The following ICE1 variants were observed in gnomAD, a reference collection of about 807,000 sequenced individuals.
ICE1 encodes little elongation complex subunit 1.
A neutral mutation model predicts 192.7 loss-of-function variants in ICE1; 64 were observed. The ratio of observed to expected loss-of-function variants is 0.33; its 90% confidence interval spans 0.27 to 0.41. ICE1 has a LOEUF of 0.41. Ranked by LOEUF, ICE1 falls within the 10% of genes least tolerant of loss-of-function variation. ICE1 has a pLI of 1.00. For missense variants in ICE1, 2,708 were observed against 2,696.0 expected, an observed-to-expected ratio of 1.00 and a Z score of -0.10; for synonymous variants, 1,010 against 984.5, an observed-to-expected ratio of 1.03 and a Z score of -0.49.
chr5:5,464,351 C>A lies in ICE1; in HGVS notation c.5017C>A (p.Arg1673Ser). 6.2e-7 allele frequency: 1 copy of A among 1,613,772 alleles called. No individual in the cohort carries two copies. The highest frequency in any genetic ancestry group is 8.5e-7 in the Non-Finnish European group (1 of 1,179,834). The change falls in exon 13 of 19, where the codon CGT (arginine) becomes AGT (serine). Residue 1673 changes from arginine to serine, a missense_variant. This residue lies in a region of ICE1 where 2,366 missense variants were observed against 2,276.6 expected (regional missense o/e 1.04). Transcript: ENST00000296564. The surrounding 1 kb of genome is among the most constrained non-coding windows in gnomAD (Gnocchi z 4.0). Reference protein sequence around the residue: ...ASPVGQVSPFRETPVPPAMSP... With the variant: ...ASPVGQVSPFSETPVPPAMSP... ...TCCTGTTGGCCAGGTTTCTCCCTTCCGTGAAACCCCAGTGCCTCCTGCCAT... is the reference window on the plus strand; with the variant it reads ...TCCTGTTGGCCAGGTTTCTCCCTTCAGTGAAACCCCAGTGCCTCCTGCCAT...
chr5:5,485,709 AATTG>A (rs1264966783), intron 17 of ICE1, among the ~76,000 whole-genome samples: 4 of 152,256 alleles, frequency 2.6e-5, no homozygotes, highest in Admixed American at 2.6e-4. Context: ...CTTGGAAAAT[AATTG>A]ATTGACATAG....
At chr5:5,471,411 T>G (rs991630423) in intron 15 of ICE1, among the ~76,000 whole-genome samples, 1 of 152,170 alleles carries the variant, frequency 6.6e-6, no homozygotes, top group Non-Finnish European at 1.5e-5. Flanking sequence ...ACCAAGTAAC[T>G]ATAATCTATT....
chr5:5,468,796 A>G (rs1157511264), intron 14 of ICE1, 32 bp from the exon 15 acceptor site: 7 of 1,341,910 alleles, frequency 5.2e-6, no homozygotes, highest in Non-Finnish European at 7.1e-6. Flanking sequence ...ATCATACATC[A>G]AAGAGTTATT....
At chr5:5,478,946 C>CTT (rs769905011) in intron 17 of ICE1, among the ~76,000 whole-genome samples, 8 of 151,774 alleles carry the variant, frequency 5.3e-5, no homozygotes, top group Non-Finnish European at 8.8e-5. Flanking sequence ...CAAAAATTAA[C>CTT]TTAAGATGGA....
At chr5:5,449,393 A>C (rs963486434) in intron 10 of ICE1, among the ~76,000 whole-genome samples, 1 of 152,074 alleles carries the variant, frequency 6.6e-6, no homozygotes, top group African/African-American at 2.4e-5. Flanking sequence ...TTCACTTTAC[A>C]AAAAAAGGCC....
At position 5,447,421 on chromosome 5, in the gene ICE1, T is replaced by G; in HGVS notation, c.425-6T>G. On this transcript the variant is annotated splice_region_variant and splice_polypyrimidine_tract_variant and intron_variant, in intron 7 of 18. Coordinates refer to ENST00000296564, the MANE Select transcript of ICE1 (RefSeq NM_015325.3). Reference sequence around the variant, plus strand: ...TTCTCTCCCTATTGCTTCATTGGACTTAAAGAGGCTGCTGTCAAGCAAACT... The same window carrying G: ...TTCTCTCCCTATTGCTTCATTGGACGTAAAGAGGCTGCTGTCAAGCAAACT... 1 of 1,547,136 alleles carries G rather than the reference T, an allele frequency of 6.5e-7. No individual in the cohort carries two copies. Among genetic ancestry groups the G allele is most frequent in the South Asian group, 1.2e-5 (1 of 83,592 alleles).
chr5:5,427,436 C>T (rs1291551007), intron 1 of ICE1, among the ~76,000 whole-genome samples: 2 of 152,124 alleles, frequency 1.3e-5, no homozygotes, highest in Non-Finnish European at 2.9e-5. Context: ...AAGGAGAGGC[C>T]CATATTTGCT....
intron 16 of ICE1, among the ~76,000 whole-genome samples, chr5:5,474,337 G>T (rs556452878): frequency 9.2e-5 from 14 of 152,132 alleles, no homozygotes; most frequent in African/African-American, 2.7e-4. Context: ...CAGTAGAAAT[G>T]ACTCTGGAGG....
In ICE1 at chr5:5,461,554, G is replaced by A. The variant is rs375150495; in HGVS notation, c.2220G>A (p.Arg740=). The part of the protein sequence containing the change: ...KGLTKIHSLP[R]SVFMKATKDG... ...TGACCAAAATACATTCACTTCCTCG[G>A]TCAGTATTTATGAAAGCTACAAAAG... The change falls in exon 13 of 19, where the codon CGG becomes CGA. Residue 740 remains arginine (R), a synonymous_variant. Transcript: ENST00000296564. 9.3e-6 allele frequency: 15 copies of A among 1,612,992 alleles called. No individual in the cohort carries two copies. Among genetic ancestry groups the A allele is most frequent in the Non-Finnish European group, 1.2e-5 (14 of 1,179,490 alleles).
At position 5,462,081 on chromosome 5, in the gene ICE1, C is replaced by G; in HGVS notation, c.2747C>G (p.Thr916Arg). Residue 916 changes from threonine to arginine, a missense_variant, in exon 13 of 19, where the codon ACG becomes AGG. Physicochemically the swap from Thr to Arg is moderately conservative, Grantham distance 71 (BLOSUM62 -1). Around this residue, in one of 2 missense-constraint regions of ICE1, gnomAD observed 2,366 missense variants for 2,276.6 expected, o/e 1.04. Coordinates refer to ENST00000296564, the MANE Select transcript of ICE1 (RefSeq NM_015325.3). ...AGAGATGATACAACACAAAACATCA[C>G]GGAGGTGGCTGCTGTGAAAAGCATT... ...GERDDTTQNI[T>R]EVAAVKSISP... is the part of the protein sequence containing the mutation. 1 of 1,613,894 alleles carries G rather than the reference C, an allele frequency of 6.2e-7. No individual in the cohort carries two copies. Among genetic ancestry groups the G allele is most frequent in the Admixed American group, 1.7e-5 (1 of 60,030 alleles).
chr5:5,424,650 G>C (rs1035776211), intron 1 of ICE1, among the ~76,000 whole-genome samples: 1 of 152,176 alleles, frequency 6.6e-6, no homozygotes, highest in Non-Finnish European at 1.5e-5. Context: ...GAGATGGGGA[G>C]GGAATGAATG....
chr5:5,457,457 A>T lies in ICE1; in HGVS notation c.817A>T (p.Ile273Leu), dbSNP rs367778596. 1.9e-6 allele frequency: 3 copies of T among 1,613,948 alleles called. No homozygotes were observed. Among genetic ancestry groups the T allele is most frequent in the Non-Finnish European group, 2.5e-6 (3 of 1,179,866 alleles). ...QTCLTKLSMEIKEDFLCQNVE... is the reference protein window; with the variant it reads ...QTCLTKLSMELKEDFLCQNVE... ...ATGCCTCACAAAACTGTCCATGGAG[A>T]TAAAGGAGGACTTTTTATGTCAAAA... The change falls in exon 12 of 19, where the codon ATA (isoleucine) becomes TTA (leucine). Residue 273 changes from isoleucine to leucine, a missense_variant. Transcript: ENST00000296564.
chr5:5,441,674 C>T (rs939471515), intron 5 of ICE1, among the ~76,000 whole-genome samples: 3 of 152,178 alleles, frequency 2.0e-5, no homozygotes, highest in Non-Finnish European at 2.9e-5. Context: ...GTGAATGAAG[C>T]GTGTAGGGCT....
intron 16 of ICE1, among the ~76,000 whole-genome samples, chr5:5,474,461 A>G (rs145935113): frequency 1.2e-3 from 176 of 152,294 alleles, no homozygotes; most frequent in African/African-American, 4.0e-3. Flanking sequence ...TCATTATCGT[A>G]ACATACAGAT....
chr5:5,465,275 A>G (rs1292796360), intron 13 of ICE1, 49 bp downstream of exon 13: 4 of 1,329,230 alleles, frequency 3.0e-6, no homozygotes, highest in Non-Finnish European at 4.1e-6. Flanking sequence ...ATGTCCTCAA[A>G]GACAGATGCT....
rs1478724305 is a variant in ICE1, at chr5:5,435,092, T to C, written c.85-1326T>C. Among the ~76,000 whole-genome samples, 11 of 152,334 alleles carry C rather than the reference T, an allele frequency of 7.2e-5. No individual in the cohort carries two copies. The South Asian group carries it at 2.3e-3, about 32-fold the overall frequency. On this transcript the variant is annotated intron_variant, in intron 1 of 18. Coordinates refer to ENST00000296564, the MANE Select transcript of ICE1 (RefSeq NM_015325.3). The stretch of plus-strand genomic sequence containing the variant: ...ATGGGCAAGGAAATTCATGGCATGC[T>C]GTCTGTAAAGACTGGAAAAGGACCT...
At chr5:5,452,326 G>A (rs1738447608) in intron 10 of ICE1, among the ~76,000 whole-genome samples, 1 of 151,978 alleles carries the variant, frequency 6.6e-6, no homozygotes, top group Non-Finnish European at 1.5e-5. Flanking sequence ...GTTGGAATTA[G>A]AAGTAATAGA....
chr5:5,489,258 CAA>C lies in ICE1; in HGVS notation c.6732_6733del (p.Ser2245ArgfsTer30). Reference sequence around the variant, plus strand: ...TGGAAGCTTGGCGGAGAGAGGCCTCCAAAAGCGTTCCGTCTGCGATTGTCAGC... The same window carrying C: ...TGGAAGCTTGGCGGAGAGAGGCCTCCAAGCGTTCCGTCTGCGATTGTCAGC... The part of the protein sequence containing the change: ...ILEAWRREAS[K>X]SVPSAIVSCL... On this transcript the variant is annotated frameshift_variant, in exon 19 of 19. Transcript: ENST00000296564. LOFTEE classifies it low-confidence loss of function (END_TRUNC). 6.2e-7 allele frequency: 1 copy of C among 1,613,822 alleles called. No homozygotes were observed. Among genetic ancestry groups the C allele is most frequent in the Non-Finnish European group, 8.5e-7 (1 of 1,179,822 alleles).
intron 15 of ICE1, among the ~76,000 whole-genome samples, chr5:5,471,207 C>G (rs1370011513): frequency 1.3e-5 from 2 of 152,078 alleles, no homozygotes; most frequent in African/African-American, 4.8e-5. Flanking sequence ...ATATAGGACA[C>G]AGAATGAGAA....
Sources: allele counts gnomAD v4.1 joint callset (sites outside exome capture counted in the v4.1 genomes callset), GRCh38; gene constraint gnomAD v4.1.1; regional missense constraint gnomAD v4.1.1; non-coding constraint Gnocchi (gnomAD v3.1); transcripts MANE v1.5; gene names NCBI Gene and HGNC (gene_info 2026-07-23, HGNC 2026-07-21).